Variants in CAST observed in about 807,000 individuals in gnomAD.
CAST encodes calpastatin, also known as MIR583 host.
A neutral mutation model predicts 119.6 loss-of-function variants in CAST; 76 were observed. That is an observed-to-expected ratio of 0.64 (90% CI 0.53 to 0.77). CAST has a LOEUF of 0.77. Ranked by LOEUF, CAST falls within the 30% of genes least tolerant of loss-of-function variation. CAST has a pLI of 0.00. For missense variants in CAST, 953 were observed against 946.5 expected (o/e 1.01, Z -0.09); for synonymous variants, 319 against 331.6 (o/e 0.96, Z 0.41).
chr5:95,961,690 T>C, the CAST span: 3 of 1,604,400 alleles, frequency 1.9e-6, no homozygotes, highest in Admixed American at 1.7e-5. Context: ...GCGCTGCTCC[T>C]CCCGCAGGCC....
rs546002320 is a variant in CAST at position 96,571,580 on chromosome 5, T to C, written c.60+41700T>C. 2.8e-4 allele frequency among the ~76,000 whole-genome samples: 42 copies of C among 152,338 alleles called. 1 individual carries two copies. In the South Asian group the frequency reaches 8.7e-3, roughly 32 times the overall value. On this transcript the variant is annotated intron_variant, in intron 1 of 11. Coordinates refer to the CAST transcript ENST00000505143. ...AACCGACCATTGAATGGAGCTAGCA[T>C]GCTTGATAGGTTTTCTGTTATCAAC...
At chr5:96,566,467 G>T (rs2150186000) in intron 1 of CAST, among the ~76,000 whole-genome samples, 3 of 152,286 alleles carry the variant, frequency 2.0e-5, no homozygotes, top group Middle Eastern at 6.8e-3. Context: ...ACCAGAAGTG[G>T]TTCTCTCCCT....
At chr5:96,278,038 T>C in the CAST span, among the ~76,000 whole-genome samples, 2 of 142,438 alleles carry the variant, frequency 1.4e-5, no homozygotes, top group Non-Finnish European at 3.0e-5. Context: ...TAAAATAGAG[T>C]TTTTTTTTTT....
chr5:96,370,322 T>A, the CAST span, among the ~76,000 whole-genome samples: 1 of 152,062 alleles, frequency 6.6e-6, no homozygotes, highest in Non-Finnish European at 1.5e-5. Flanking sequence ...ACAGCGACTG[T>A]AATAGACTTC....
the CAST span, among the ~76,000 whole-genome samples, chr5:96,015,494 T>C: frequency 1.3e-5 from 2 of 152,240 alleles, no homozygotes; most frequent in Admixed American, 1.3e-4. Context: ...TCACTTTTGG[T>C]ACAATTTTTT....
chr5:96,646,676 A>G (rs1748017808), intron 1 of CAST, among the ~76,000 whole-genome samples: 1 of 152,242 alleles, frequency 6.6e-6, no homozygotes. Context: ...GGGGCTGCAC[A>G]TGTAAACAGG....
At chr5:96,322,027 A>G in the CAST span, among the ~76,000 whole-genome samples, 18 of 152,260 alleles carry the variant, frequency 1.2e-4, no homozygotes, top group African/African-American at 4.1e-4. Context: ...ACAAACTACA[A>G]TCCTTTCAAA....
intron 1 of CAST, among the ~76,000 whole-genome samples, chr5:96,634,418 A>C (rs1403208379): frequency 6.6e-6 from 1 of 152,192 alleles, no homozygotes; most frequent in East Asian, 1.9e-4. Context: ...ATATTCACAT[A>C]TGTTAGTTTT....
chr5:96,350,564 C>T, the CAST span, among the ~76,000 whole-genome samples: 1 of 152,144 alleles, frequency 6.6e-6, no homozygotes, highest in East Asian at 1.9e-4. Flanking sequence ...TTGTAAGGGA[C>T]ATATGTAGCT....
the CAST span, among the ~76,000 whole-genome samples, chr5:96,064,266 A>C: frequency 6.6e-6 from 1 of 152,148 alleles, no homozygotes; most frequent in East Asian, 1.9e-4. Flanking sequence ...TGGTTCTCTT[A>C]CCTCTTCTTA....
At chr5:96,528,361 C>T (rs758532271), upstream of CAST, among the ~76,000 whole-genome samples, 7 of 152,220 alleles carry the variant, frequency 4.6e-5, no homozygotes, top group South Asian at 2.1e-4. Flanking sequence ...TTCCTCCCCA[C>T]CTGTGGCTCT....
chr5:96,497,965 G>T, the CAST span, among the ~76,000 whole-genome samples: 1 of 152,154 alleles, frequency 6.6e-6, no homozygotes, highest in African/African-American at 2.4e-5. Flanking sequence ...GTATTGCCTA[G>T]GTTTTCTTCT....
chr5:96,473,663 C>T, the CAST span, among the ~76,000 whole-genome samples: 1 of 152,222 alleles, frequency 6.6e-6, no homozygotes, highest in African/African-American at 2.4e-5. Context: ...CCATGGGCCA[C>T]ACCTGGTAGG....
At chr5:96,686,372 A>AGTGTT (rs1218669879) in intron 2 of CAST, among the ~76,000 whole-genome samples, 1 of 152,176 alleles carries the variant, frequency 6.6e-6, no homozygotes, top group Non-Finnish European at 1.5e-5. Context: ...ACTAAAATCA[A>AGTGTT]GTGTTGATAA....
At chr5:96,403,985 A>G in the CAST span, among the ~76,000 whole-genome samples, 2 of 152,186 alleles carry the variant, frequency 1.3e-5, no homozygotes, top group Admixed American at 1.3e-4. Context: ...AATTTTCCTC[A>G]CCTATTAAAA....
the CAST span, among the ~76,000 whole-genome samples, chr5:96,403,438 C>T: frequency 1.1e-4 from 16 of 152,022 alleles, no homozygotes; most frequent in South Asian, 2.1e-4. Context: ...TGACAGGCCC[C>T]GGTGTATTTT....
chr5:96,489,268 A>G, the CAST span, among the ~76,000 whole-genome samples: 169 of 152,322 alleles, frequency 1.1e-3, no homozygotes, highest in African/African-American at 3.9e-3. Context: ...TTTAAGCCAA[A>G]TTGAGGCAGA....
chr5:96,212,513 A>G, the CAST span, among the ~76,000 whole-genome samples: 67 of 152,262 alleles, frequency 4.4e-4, no homozygotes, highest in African/African-American at 1.5e-3. Flanking sequence ...GATCTATCTC[A>G]GTATAGGTTC....
At position 96,722,707 on chromosome 5, in the gene CAST, A is replaced by T; in HGVS notation, c.270+9A>T. 1 of 1,600,804 alleles carries T rather than the reference A, an allele frequency of 6.2e-7. No homozygotes were observed. ...ATCCCACAGAAACCAAGGTATGAAGAATGCTAATTGAGTGAGTGCTAATTT... is the reference window on the plus strand; with the variant it reads ...ATCCCACAGAAACCAAGGTATGAAGTATGCTAATTGAGTGAGTGCTAATTT... On this transcript the variant is annotated intron_variant, in intron 4 of 31. Coordinates refer to ENST00000675179, the MANE Select transcript of CAST (RefSeq NM_001750.7).
Sources: gnomAD v4.1 joint callset for allele counts (sites outside exome capture counted in the v4.1 genomes callset) on GRCh38, gnomAD v4.1.1 for gene constraint, MANE v1.5 for transcripts, NCBI Gene and HGNC (gene_info 2026-07-23, HGNC 2026-07-21) for gene names.